The following SEMA3D variants were observed in gnomAD, a reference collection of about 807,000 sequenced individuals.
The protein encoded by SEMA3D is semaphorin-3D.
Under a neutral mutation model 100.1 loss-of-function variants are expected in SEMA3D, and 84 were observed. The observed-to-expected ratio is 0.84, with a 90% CI of 0.70 to 1.01. The LOEUF is 1.01. Among genes scored for constraint, SEMA3D ranks in the 50% least tolerant of loss-of-function variants. SEMA3D has a pLI of 0.00. For synonymous variants in SEMA3D, 312 were observed against 320.7 expected (o/e 0.97, Z 0.29); for missense variants, 875 against 934.1 (o/e 0.94, Z 0.82).
At chr7:85,085,031 T>G (rs574392408) in intron 4 of SEMA3D, among the ~76,000 whole-genome samples, 2 of 152,304 alleles carry the variant, frequency 1.3e-5, no homozygotes, top group African/African-American at 4.8e-5. Flanking sequence ...ATTTTCTTTA[T>G]CCAGTCTACC....
chr7:85,123,365 G>A (rs1019840545), intron 2 of SEMA3D, among the ~76,000 whole-genome samples: 1 of 152,094 alleles, frequency 6.6e-6, no homozygotes, highest in Non-Finnish European at 1.5e-5. Flanking sequence ...AATAAAAAAA[G>A]CATTAGACTT....
intron 4 of SEMA3D, among the ~76,000 whole-genome samples, chr7:85,087,731 C>A (rs537365987): frequency 6.6e-6 from 1 of 151,942 alleles, no homozygotes; most frequent in African/African-American, 2.4e-5. Context: ...ATTTACTGAC[C>A]CATATTAGTA....
Position 85,144,451 on chromosome 7 carries a change from CCA to C in SEMA3D, c.-41+9155_-41+9156del, listed in dbSNP as rs1025709687. On this transcript the variant is annotated intron_variant, in intron 2 of 18. Transcript: ENST00000284136. ...ATACCCACACACTTCATCCTCTTCC[CCA>C]GAGGTAGAAAATATATTTTATGTGA... is the stretch of plus-strand genomic sequence containing the variant. 5.7e-5 allele frequency: 56 copies of C among 978,996 alleles called. 1 individual carries two copies. Among genetic ancestry groups the C allele is most frequent in the Middle Eastern group, 1.1e-3 (2 of 1,902 alleles). 60.6% of individuals were successfully genotyped at this position (978,996 alleles called of 1,614,324 possible). A position where few individuals can be genotyped will look rare whatever the true frequency, so the allele number is the denominator to read the frequency against.
the SEMA3D span, among the ~76,000 whole-genome samples, chr7:85,225,260 A>T: frequency 6.7e-6 from 1 of 149,268 alleles, no homozygotes; most frequent in African/African-American, 2.5e-5. Flanking sequence ...AAATCAGAAT[A>T]AGCTGTGTTC....
At chr7:85,208,187 T>G in the SEMA3D span, among the ~76,000 whole-genome samples, 4 of 152,160 alleles carry the variant, frequency 2.6e-5, no homozygotes, top group South Asian at 4.1e-4. Flanking sequence ...AAAATATTGC[T>G]TAAACATTTA....
rs779850048 is a variant in SEMA3D at position 85,097,894 on chromosome 7, AGAG to A, written c.220_222del (p.Leu75del). On this transcript the variant is annotated inframe_deletion, in exon 4 of 19. Transcript: ENST00000284136. ...AGCAGCCTGCCTCTTTCCTCATCTA[AGAG>A]AAGAGTTTGAAAATCCAGTCCTTCT... The A allele has an allele frequency of 8.1e-6, 13 of 1,609,722 alleles. No individual in the cohort carries two copies. The South Asian group carries it at 1.4e-4, about 18-fold the overall frequency.
chr7:85,058,651 G>A (rs1303797051), intron 8 of SEMA3D, among the ~76,000 whole-genome samples: 1 of 151,242 alleles, frequency 6.6e-6, no homozygotes, highest in African/African-American at 2.4e-5. Flanking sequence ...GGGAGGCTGA[G>A]GCAGGAGAAT....
chr7:85,241,921 C>T, the SEMA3D span, among the ~76,000 whole-genome samples: 1 of 151,892 alleles, frequency 6.6e-6, no homozygotes, highest in Non-Finnish European at 1.5e-5. Context: ...ATAACAAATG[C>T]CTGCCAGGAT....
Position 85,121,790 on chromosome 7 carries a change from G to A in SEMA3D, c.102C>T (p.Val34=), listed in dbSNP as rs1234580045. Reference sequence around the variant, plus strand: ...GAATATTTTGCTTCAAAGTGCCAGTGACTGGAAGAAACAACATGGTCATGC... The same window carrying A: ...GAATATTTTGCTTCAAAGTGCCAGTAACTGGAAGAAACAACATGGTCATGC... ...MLSMTMLFLP[V]TGTLKQNIPR... Residue 34 remains valine, a synonymous_variant, in exon 3 of 19, where the codon GTC becomes GTT. Transcript: ENST00000284136. The A allele has an allele frequency of 1.2e-6, 2 of 1,608,758 alleles. No individual in the cohort carries two copies. Among genetic ancestry groups the A allele is most frequent in the East Asian group, 2.2e-5 (1 of 44,616 alleles).
At chr7:85,128,193 AGTCTCACTCT>A in intron 2 of SEMA3D, among the ~76,000 whole-genome samples, 1 of 151,928 alleles carries the variant, frequency 6.6e-6, no homozygotes, top group East Asian at 1.9e-4. Context: ...TTTGAGGCAG[AGTCTCACTCT>A]GTCAACCAGA....
At chr7:85,203,256 T>C in the SEMA3D span, among the ~76,000 whole-genome samples, 1 of 152,248 alleles carries the variant, frequency 6.6e-6, no homozygotes, top group Non-Finnish European at 1.5e-5. Context: ...TCTGTCTTAA[T>C]TTATTGTAAA....
chr7:85,199,815 T>C, the SEMA3D span, among the ~76,000 whole-genome samples: 1 of 152,208 alleles, frequency 6.6e-6, no homozygotes, highest in African/African-American at 2.4e-5. Context: ...GAGTTTGATA[T>C]GGTTTGGCTG....
At chr7:85,017,528 G>A (rs1790138310) in intron 15 of SEMA3D, among the ~76,000 whole-genome samples, 1 of 151,676 alleles carries the variant, frequency 6.6e-6, no homozygotes. Context: ...AACAGTAATA[G>A]ATTAAGTCAA....
At chr7:85,022,675 T>C (rs1331331012) in intron 12 of SEMA3D, 62 bp from the exon 13 acceptor site, 18 of 1,059,800 alleles carry the variant, frequency 1.7e-5, no homozygotes, top group South Asian at 2.5e-5. Flanking sequence ...TTCACACTTA[T>C]TTCCAATAAA....
At chr7:85,241,467 G>A in the SEMA3D span, among the ~76,000 whole-genome samples, 16 of 91,978 alleles carry the variant, frequency 1.7e-4, 1 homozygote, top group South Asian at 3.2e-3. Flanking sequence ...CTGTGTGTGT[G>A]TATATATATA....
intron 2 of SEMA3D, among the ~76,000 whole-genome samples, chr7:85,151,092 CCACACACA>C (rs67407646): frequency 2.7e-5 from 4 of 147,230 alleles, no homozygotes; most frequent in African/African-American, 5.0e-5. Context: ...TAAAAAAAAT[CCACACACA>C]CACACACACA....
At chr7:85,161,807 G>T (rs1430982568) in intron 1 of SEMA3D, among the ~76,000 whole-genome samples, 1 of 152,058 alleles carries the variant, frequency 6.6e-6, no homozygotes, top group African/African-American at 2.4e-5. Flanking sequence ...TAGCAAAACA[G>T]GTATGTCATC....
intron 14 of SEMA3D, among the ~76,000 whole-genome samples, chr7:85,019,609 G>T (rs1202483390): frequency 6.6e-6 from 1 of 151,660 alleles, no homozygotes; most frequent in African/African-American, 2.4e-5. Context: ...GAGAAAAAAA[G>T]TATTTCAAAT....
intron 3 of SEMA3D, among the ~76,000 whole-genome samples, chr7:85,112,518 G>T (rs1789121414): frequency 6.6e-6 from 1 of 152,094 alleles, no homozygotes; most frequent in African/African-American, 2.4e-5. Flanking sequence ...TTATCCTCTT[G>T]AAAATGCAAT....
Sources: gnomAD v4.1 joint callset for allele counts (sites outside exome capture counted in the v4.1 genomes callset) on GRCh38, gnomAD v4.1.1 for gene constraint, MANE v1.5 for transcripts, NCBI Gene and HGNC (gene_info 2026-07-23, HGNC 2026-07-21) for gene names.